Variants in TMEM116 observed in about 807,000 individuals in gnomAD.
The protein encoded by TMEM116 is transmembrane protein 116.
TMEM116 carries 38 observed loss-of-function variants against 44.3 expected under a neutral mutation model. That is an observed-to-expected ratio of 0.86 (90% CI 0.66 to 1.12). TMEM116 has a LOEUF of 1.12. Ranked by LOEUF, TMEM116 falls within the 50% of genes most tolerant of loss-of-function variation. The probability of loss-of-function intolerance (pLI) is 0.00; values close to 1 mark genes in which losing one functional copy is unlikely to be tolerated. For synonymous variants in TMEM116, 132 were observed against 144.8 expected (o/e 0.91, Z 0.64); for missense variants, 354 against 401.7 (o/e 0.88, Z 1.01).
chr12:111,946,289 G>C (rs543712205), intron 4 of TMEM116, among the ~76,000 whole-genome samples: 1 of 152,334 alleles, frequency 6.6e-6, no homozygotes, highest in South Asian at 2.1e-4. Context: ...ATATAGTGTG[G>C]AGCGGGATCA....
Position 111,944,115 on chromosome 12 carries a change from G to T in TMEM116, c.211-746C>A, listed in dbSNP as rs753798740. On this transcript the variant is annotated intron_variant, in intron 4 of 10. Coordinates refer to ENST00000552374, the MANE Select transcript of TMEM116 (RefSeq NM_001193531.2). Reference sequence around the variant, plus strand: ...GATATTTTTTAAAAAATCCTTAAAAGAACCTAAGAACTGAGATGATATCAA... The same window carrying T: ...GATATTTTTTAAAAAATCCTTAAAATAACCTAAGAACTGAGATGATATCAA... Among the ~76,000 whole-genome samples, 43 of 151,880 alleles carry T rather than the reference G, an allele frequency of 2.8e-4. 1 individual carries two copies. Among genetic ancestry groups the T allele is most frequent in the Non-Finnish European group, 5.0e-4 (34 of 67,950 alleles).
chr12:111,984,444 G>A (rs1055471637), intron 4 of TMEM116, among the ~76,000 whole-genome samples: 26 of 152,154 alleles, frequency 1.7e-4, no homozygotes, highest in Admixed American at 1.3e-3. Context: ...AAGTAGGAAG[G>A]AGGTGGAGAT....
intron 4 of TMEM116, among the ~76,000 whole-genome samples, chr12:111,976,590 C>T (rs1164561755): frequency 9.2e-5 from 14 of 152,032 alleles, no homozygotes; most frequent in African/African-American, 2.9e-4. Flanking sequence ...TTACAGGGCA[C>T]GTAAAGGCAA....
At chr12:111,976,905 C>A (rs953307318) in intron 4 of TMEM116, among the ~76,000 whole-genome samples, 3 of 151,780 alleles carry the variant, frequency 2.0e-5, no homozygotes, top group African/African-American at 7.3e-5. Flanking sequence ...ATAGAAACTT[C>A]CCAAAATAAA....
intron 3 of TMEM116, 69 bp from the exon 4 acceptor site, chr12:111,991,958 C>A: frequency 6.9e-7 from 1 of 1,438,982 alleles, no homozygotes; most frequent in Non-Finnish European, 9.2e-7. Flanking sequence ...TGTAACAGTT[C>A]TTACATTTTA....
At chr12:112,007,318 G>A (rs1245577871) in intron 1 of TMEM116, among the ~76,000 whole-genome samples, 1 of 152,188 alleles carries the variant, frequency 6.6e-6, no homozygotes, top group Non-Finnish European at 1.5e-5. Flanking sequence ...GGAGGCTGAT[G>A]CATGAGAATC....
chr12:111,958,277 TAAAAAAA>T (rs61637468), intron 4 of TMEM116, among the ~76,000 whole-genome samples: 7 of 27,516 alleles, frequency 2.5e-4, no homozygotes, highest in African/African-American at 5.4e-4. Flanking sequence ...CAATAAATAC[TAAAAAAA>T]AAAAAAAAAA....
intron 4 of TMEM116, among the ~76,000 whole-genome samples, chr12:111,977,952 A>C (rs1246584222): frequency 6.6e-6 from 1 of 152,048 alleles, no homozygotes; most frequent in Non-Finnish European, 1.5e-5. Context: ...AATAATTTTT[A>C]AAATGCTCAA....
chr12:112,005,589 C>CTG, intron 1 of TMEM116: 1 of 646,020 alleles, frequency 1.5e-6, no homozygotes, highest in Non-Finnish European at 2.0e-6. Context: ...TAGCCAGGCA[C>CTG]TGAGGCTCAT....
chr12:111,965,536 C>T (rs968598280), intron 4 of TMEM116: 1 of 167,300 alleles, frequency 6.0e-6, no homozygotes, highest in Non-Finnish European at 1.3e-5. Context: ...GCAATTACAA[C>T]ATCTAATTCC....
intron 4 of TMEM116, among the ~76,000 whole-genome samples, chr12:111,971,373 A>T (rs1364114213): frequency 6.6e-6 from 1 of 152,214 alleles, no homozygotes; most frequent in East Asian, 1.9e-4. Flanking sequence ...AAAGATTGGG[A>T]GAAGAGAAAT....
At chr12:111,992,469 C>T (rs1398992014) in intron 3 of TMEM116, among the ~76,000 whole-genome samples, 1 of 152,068 alleles carries the variant, frequency 6.6e-6, no homozygotes, top group African/African-American at 2.4e-5. Flanking sequence ...TGGGGTTTCA[C>T]CGTGTTAGCC....
chr12:112,007,388 TG>T (rs2077641300), intron 1 of TMEM116, among the ~76,000 whole-genome samples: 1 of 152,202 alleles, frequency 6.6e-6, no homozygotes, highest in South Asian at 2.1e-4. Flanking sequence ...CACTCCAGCC[TG>T]GATGACAGAG....
At chr12:111,952,190 C>T (rs970262667) in intron 4 of TMEM116, among the ~76,000 whole-genome samples, 1 of 152,140 alleles carries the variant, frequency 6.6e-6, no homozygotes, top group Non-Finnish European at 1.5e-5. Context: ...GATTGAGCCA[C>T]TGCACTCCAG....
rs1266484365 is a variant in TMEM116, at chr12:111,999,563, C to CACTCCAGCTTGGGCTACAGAGCGAG, written c.78+4212_78+4236dup. 4.9e-4 allele frequency among the ~76,000 whole-genome samples: 74 copies of CACTCCAGCTTGGGCTACAGAGCGAG among 151,708 alleles called. 1 individual carries two copies. Among genetic ancestry groups the CACTCCAGCTTGGGCTACAGAGCGAG allele is most frequent in the Non-Finnish European group, 3.2e-4 (22 of 67,910 alleles). ...GCAGTGAGCTGAGACTGCACCACTG[C>CACTCCAGCTTGGGCTACAGAGCGAG]ACTCCAGCTTGGGCTACAGAGCGAG... On this transcript the variant is annotated intron_variant, in intron 3 of 10. Transcript: ENST00000552374.
chr12:112,010,109 C>T (rs1462684819), intron 1 of TMEM116, among the ~76,000 whole-genome samples: 1 of 152,196 alleles, frequency 6.6e-6, no homozygotes, highest in Admixed American at 6.5e-5. Flanking sequence ...GGAGAACTCC[C>T]TTCAACCAAG....
chr12:111,969,742 T>C (rs1390804883), intron 4 of TMEM116, among the ~76,000 whole-genome samples: 1 of 151,746 alleles, frequency 6.6e-6, no homozygotes, highest in Non-Finnish European at 1.5e-5. Flanking sequence ...TGCGCCCGGC[T>C]AAATTTTTTT....
At chr12:111,961,741 TC>T (rs1358729661) in intron 4 of TMEM116, among the ~76,000 whole-genome samples, 2 of 152,174 alleles carry the variant, frequency 1.3e-5, no homozygotes, top group African/African-American at 4.8e-5. Flanking sequence ...CTGGAAGCAT[TC>T]CCTTTGAAAA....
intron 4 of TMEM116, among the ~76,000 whole-genome samples, chr12:111,960,559 A>G (rs992682962): frequency 1.5e-4 from 23 of 151,430 alleles, no homozygotes; most frequent in African/African-American, 5.6e-4. Context: ...AAACTGAACA[A>G]CCTGCTCCTG....
Sources: gnomAD v4.1 joint callset for allele counts (sites outside exome capture counted in the v4.1 genomes callset) on GRCh38, gnomAD v4.1.1 for gene constraint, MANE v1.5 for transcripts, NCBI Gene and HGNC (gene_info 2026-07-23, HGNC 2026-07-21) for gene names.